Variants in TLE3 observed in about 807,000 individuals in gnomAD.
TLE3 encodes the protein transducin-like enhancer protein 3.
A neutral mutation model predicts 93.0 loss-of-function variants in TLE3; 14 were observed. The ratio of observed to expected loss-of-function variants is 0.15; its 90% CI spans 0.10 to 0.24. The LOEUF (loss-of-function observed/expected upper bound fraction) is 0.24, where lower values mean the gene tolerates loss of function less well. Among genes scored for constraint, TLE3 ranks in the 10% least tolerant of loss-of-function variants. The pLI is 1.00. For synonymous variants in TLE3, 451 were observed against 425.0 expected (o/e 1.06, Z -0.75); for missense variants, 693 against 1,046.6 (o/e 0.66, Z 4.66).
In TLE3 at chr15:70,074,627, C is replaced by T. The variant is rs1024721575; in HGVS notation, c.298-20G>A. 5.0e-6 allele frequency: 8 copies of T among 1,596,416 alleles called. No individual in the cohort carries two copies. Among genetic ancestry groups the T allele is most frequent in the African/African-American group, 1.3e-5 (1 of 74,582 alleles). On this transcript the variant is annotated intron_variant, in intron 5 of 19. Coordinates refer to ENST00000451782, the MANE Select transcript of TLE3 (RefSeq NM_001105192.3). ...CTGGTGCTGGAGGGAAGAGGGTGTG[C>T]GTTAGATGCAGCCACTTTCCTGGAC...
At position 70,057,551 on chromosome 15, in the gene TLE3, C is replaced by T. The variant is rs775115111; in HGVS notation, c.1159G>A (p.Ala387Thr). ...NGSLTSPGAYAGLHNIPPQMS... is the reference protein window; with the variant it reads ...NGSLTSPGAYTGLHNIPPQMS... ...TGGGGTGGGATGTTGTGGAGGCCGGCGTAGGCGCCAGGACTGGTGAGGGAG... is the reference window on the plus strand; with the variant it reads ...TGGGGTGGGATGTTGTGGAGGCCGGTGTAGGCGCCAGGACTGGTGAGGGAG... The change falls in exon 13 of 20, where the codon GCC becomes ACC. Residue 387 changes from alanine to threonine, a missense_variant. Physicochemically the swap from Ala to Thr is moderately conservative, Grantham distance 58. This residue lies in a region of TLE3 where 405 missense variants were observed against 468.9 expected (regional missense o/e 0.86). Coordinates refer to ENST00000451782, the MANE Select transcript of TLE3 (RefSeq NM_001105192.3). The T allele has an allele frequency of 4.2e-5, 68 of 1,603,386 alleles. No homozygotes were observed. The highest frequency in any genetic ancestry group is 5.2e-5 in the Non-Finnish European group (61 of 1,175,574).
At chr15:70,056,237 G>A in intron 14 of TLE3, 61 bp downstream of exon 14, 1 of 1,539,734 alleles carries the variant, frequency 6.5e-7, no homozygotes, top group Non-Finnish European at 9.0e-7. Flanking sequence ...TTGGAATTGG[G>A]GGTAGAGTGC....
chr15:70,066,296 G>C, intron 6 of TLE3, 78 bp from the exon 7 acceptor site: 2 of 1,274,768 alleles, frequency 1.6e-6, no homozygotes, highest in Non-Finnish European at 2.1e-6. Flanking sequence ...GGGAGGGAGG[G>C]AGTGGCTCTT....
At chr15:70,072,543 C>T (rs574201948) in intron 6 of TLE3, among the ~76,000 whole-genome samples, 4 of 152,246 alleles carry the variant, frequency 2.6e-5, no homozygotes, top group African/African-American at 9.6e-5. Context: ...GTCACTGAGA[C>T]AGATGACACA....
intron 8 of TLE3, among the ~76,000 whole-genome samples, chr15:70,062,370 C>T (rs2056543134): frequency 6.6e-6 from 1 of 152,224 alleles, no homozygotes; most frequent in South Asian, 2.1e-4. Context: ...CTGCCCCTTG[C>T]AGGCGGGCGG....
rs1167471510 is a variant in TLE3, at chr15:70,058,568, T to C, written c.918+95A>G. The C allele has an allele frequency of 2.0e-6, 3 of 1,466,832 alleles. No individual in the cohort carries two copies. The highest frequency in any genetic ancestry group is 2.7e-6 in the Non-Finnish European group (3 of 1,106,548). The allele number at this position is 1,466,832 out of a possible 1,614,324, so 90.9% of individuals were successfully genotyped here. A position where few individuals can be genotyped will look rare whatever the true frequency, so the allele number is the denominator to read the frequency against. On this transcript the variant is annotated intron_variant, in intron 11 of 19. Coordinates refer to ENST00000451782, the MANE Select transcript of TLE3 (RefSeq NM_001105192.3). The surrounding 1 kb of genome is among the most constrained non-coding windows in gnomAD (Gnocchi z 4.1). Reference sequence around the variant, plus strand: ...ACCGGGGCCAATCACCCACCCAGCTTCTCCCACTCCACCCCTCTGCCTGCC... The same window carrying C: ...ACCGGGGCCAATCACCCACCCAGCTCCTCCCACTCCACCCCTCTGCCTGCC...
chr15:70,094,689 C>T (rs1567062146), intron 3 of TLE3, 113 bp from the exon 4 acceptor site: 1 of 802,262 alleles, frequency 1.2e-6, no homozygotes, highest in Non-Finnish European at 2.0e-6. Context: ...GATACATTTG[C>T]TAAAGAAGTT....
rs2141488869 is a variant in TLE3, at chr15:70,058,051, C to T, written c.1051+108G>A. The T allele has an allele frequency of 6.5e-7, 1 of 1,529,766 alleles. No individual in the cohort carries two copies. Among genetic ancestry groups the T allele is most frequent in the Non-Finnish European group, 8.9e-7 (1 of 1,128,722 alleles). The allele number at this position is 1,529,766 out of a possible 1,614,324, so 94.8% of individuals were successfully genotyped here. ...GTCCCCAGGGGCAGGCCCTGGGAGACACTGCCTGTGCTCTATCCCATGCGT... is the reference window on the plus strand; with the variant it reads ...GTCCCCAGGGGCAGGCCCTGGGAGATACTGCCTGTGCTCTATCCCATGCGT... On this transcript the variant is annotated intron_variant, in intron 12 of 19. Transcript: ENST00000451782. This position sits in a 1 kb window ranked among gnomAD's most constrained non-coding sequence, Gnocchi z 4.1.
chr15:70,060,486 T>G, intron 9 of TLE3, 44 bp downstream of exon 9: 1 of 1,610,184 alleles, frequency 6.2e-7, no homozygotes, highest in Non-Finnish European at 8.5e-7. Context: ...CCCCCTGCCC[T>G]ACCCAACAGA....
intron 4 of TLE3, among the ~76,000 whole-genome samples, chr15:70,080,746 C>A (rs922966289): frequency 6.6e-6 from 1 of 152,190 alleles, no homozygotes; most frequent in African/African-American, 2.4e-5. Context: ...TCTCTAACCA[C>A]AGTCTAGTAT....
intron 4 of TLE3, among the ~76,000 whole-genome samples, chr15:70,092,261 A>G (rs72749675): frequency 1.4e-3 from 217 of 152,308 alleles, no homozygotes; most frequent in Non-Finnish European, 2.3e-3. Flanking sequence ...GGCCAGCTCC[A>G]TTAGATCAGG....
chr15:70,054,479 C>T lies in TLE3; in HGVS notation c.1785G>A (p.Gly595=), dbSNP rs766900387. Residue 595 remains glycine, a synonymous_variant, in exon 16 of 20, where the codon GGG becomes GGA. Transcript: ENST00000451782. The part of the protein sequence containing the change: ...AKVCFSCCSD[G]NIAVWDLHNQ... Reference sequence around the variant, plus strand: ...TGTGCAGGTCCCAGACAGCAATGTTCCCATCGCTGCAGCAGGAGAAGCAGA... The same window carrying T: ...TGTGCAGGTCCCAGACAGCAATGTTTCCATCGCTGCAGCAGGAGAAGCAGA... The T allele has an allele frequency of 6.2e-6, 10 of 1,614,006 alleles. No homozygotes were observed. Among genetic ancestry groups the T allele is most frequent in the Non-Finnish European group, 8.5e-6 (10 of 1,179,880 alleles).
rs1160855456 is a variant in TLE3 at position 70,048,697 on chromosome 15, G to C, written c.*1400C>G. 1 of 150,646 alleles carries C rather than the reference G, an allele frequency of 6.6e-6. No homozygotes were observed. The highest frequency in any genetic ancestry group is 2.4e-5 in the African/African-American group (1 of 40,968). 9.3% of individuals were successfully genotyped at this position (150,646 alleles called of 1,614,324 possible). On this transcript the variant is annotated 3_prime_UTR_variant, in exon 20 of 20. Coordinates refer to ENST00000451782, the MANE Select transcript of TLE3 (RefSeq NM_001105192.3). ...ACCCAACCCAAATCCTAACACCTCA[G>C]AACATGTTGGTACCAAAAGGTGGCA...
At position 70,048,645 on chromosome 15, in the gene TLE3, A is replaced by G. The variant is rs1169301028; in HGVS notation, c.*1452T>C. 7.0e-6 allele frequency: 1 copy of G among 143,816 alleles called. No individual in the cohort carries two copies. Among genetic ancestry groups the G allele is most frequent in the Admixed American group, 6.9e-5 (1 of 14,578 alleles). The allele number at this position is 143,816 out of a possible 1,614,324, so 8.9% of individuals were successfully genotyped here. A position where few individuals can be genotyped will look rare whatever the true frequency, so the allele number is the denominator to read the frequency against. ...TAAAAGGAGAAAAAAAAAAAGACCA[A>G]AAGGAAAAAAAAAACAAACAAAAAA... On this transcript the variant is annotated 3_prime_UTR_variant, in exon 20 of 20. Transcript: ENST00000451782.
chr15:70,064,244 G>A (rs1212712250), intron 8 of TLE3, among the ~76,000 whole-genome samples: 1 of 152,188 alleles, frequency 6.6e-6, no homozygotes, highest in Admixed American at 6.5e-5. Flanking sequence ...ACTGGCTCTG[G>A]ACTAAGACAT....
chr15:70,060,458 G>C (rs2056396088), intron 9 of TLE3, 72 bp downstream of exon 9: 2 of 1,591,484 alleles, frequency 1.3e-6, no homozygotes, highest in South Asian at 1.1e-5. Flanking sequence ...CCTGGCCACA[G>C]CTTGGGCCCT....
At chr15:70,057,403 A>ACTGGCT (rs2056142968) in intron 13 of TLE3, 56 bp downstream of exon 13, 4 of 1,524,030 alleles carry the variant, frequency 2.6e-6, no homozygotes, top group Non-Finnish European at 3.5e-6. Flanking sequence ...CCGTCCAACC[A>ACTGGCT]CTGGCTCCCC....
intron 6 of TLE3, among the ~76,000 whole-genome samples, chr15:70,068,951 C>T (rs1206836997): frequency 2.0e-5 from 3 of 152,218 alleles, no homozygotes; most frequent in Non-Finnish European, 4.4e-5. Context: ...GCTATGAGTC[C>T]TTGGACAAGT....
intron 4 of TLE3, among the ~76,000 whole-genome samples, chr15:70,077,483 C>T (rs1410467739): frequency 5.3e-5 from 8 of 152,186 alleles, no homozygotes; most frequent in African/African-American, 7.2e-5. Context: ...AAAATAAAAA[C>T]AATCTGAAGG....
Sources: gnomAD v4.1 joint callset for allele counts (sites outside exome capture counted in the v4.1 genomes callset) on GRCh38, gnomAD v4.1.1 for gene constraint, gnomAD v4.1.1 regional missense constraint, Gnocchi (gnomAD v3.1) non-coding constraint, MANE v1.5 for transcripts, NCBI Gene and HGNC (gene_info 2026-07-23, HGNC 2026-07-21) for gene names.